Variants in NLGN4X observed in about 807,000 individuals in gnomAD.
NLGN4X encodes the protein neuroligin-4, X-linked.
A neutral mutation model predicts 40.3 loss-of-function variants in NLGN4X; 3 were observed. The ratio of observed to expected loss-of-function variants is 0.07; its 90% CI spans 0.03 to 0.19. The LOEUF is 0.19. NLGN4X is among the 10% of genes least tolerant of loss of function. NLGN4X has a pLI of 1.00. For missense variants in NLGN4X, 382 were observed against 708.3 expected (o/e 0.54, Z 5.23); for synonymous variants, 270 against 306.8 (o/e 0.88, Z 1.25).
intron 4 of NLGN4X, among the ~76,000 whole-genome samples, chrX:5,905,571 G>A (rs188821815): frequency 2.7e-5 from 3 of 112,115 alleles, no homozygotes; most frequent in East Asian, 5.6e-4. Flanking sequence ...TCTTTGCTAC[G>A]ATACTAATAC....
At chrX:6,116,452 G>C (rs184622193) in intron 2 of NLGN4X, among the ~76,000 whole-genome samples, 1,952 of 67,217 alleles carry the variant, frequency 0.029, 89 homozygotes, top group Middle Eastern at 0.12. Context: ...GTCTCACTCT[G>C]TCGCCCAGGC....
intron 3 of NLGN4X, among the ~76,000 whole-genome samples, chrX:6,015,549 T>G (rs1408027667): frequency 3.6e-5 from 4 of 111,319 alleles, no homozygotes; most frequent in Non-Finnish European, 3.8e-5. Context: ...AATGAATAAA[T>G]TTGCACTGCA....
At chrX:6,144,516 G>T (rs1377086303) in intron 2 of NLGN4X, among the ~76,000 whole-genome samples, 2 of 111,369 alleles carry the variant, frequency 1.8e-5, no homozygotes, top group East Asian at 5.7e-4. Context: ...TAGAATCAAG[G>T]TATCAGGAGG....
chrX:6,022,914 T>C (rs1284089630), intron 3 of NLGN4X, among the ~76,000 whole-genome samples: 1 of 111,736 alleles, frequency 8.9e-6, no homozygotes, highest in Non-Finnish European at 1.9e-5. Context: ...CTGCTATGCA[T>C]GTTGGTTGCT....
At chrX:5,924,357 A>G (rs957418859) in intron 3 of NLGN4X, among the ~76,000 whole-genome samples, 3 of 103,611 alleles carry the variant, frequency 2.9e-5, no homozygotes, top group African/African-American at 1.0e-4. Flanking sequence ...CAAGGCAAAC[A>G]TAAAATGAAA....
intron 2 of NLGN4X, among the ~76,000 whole-genome samples, chrX:6,037,201 G>T (rs1196730201): frequency 9.1e-6 from 1 of 109,910 alleles, no homozygotes; most frequent in Non-Finnish European, 1.9e-5. Context: ...AGCTATTCGG[G>T]AGACTGAGGT....
chrX:6,177,646 T>C (rs1448728597), intron 1 of NLGN4X, among the ~76,000 whole-genome samples: 2 of 111,997 alleles, frequency 1.8e-5, no homozygotes, highest in Non-Finnish European at 3.8e-5. Flanking sequence ...ATGAAAGCTC[T>C]ACAAAGTTTT....
chrX:6,100,199 G>A (rs1001274078), intron 2 of NLGN4X, among the ~76,000 whole-genome samples: 6 of 112,640 alleles, frequency 5.3e-5, no homozygotes, highest in African/African-American at 9.7e-5. Flanking sequence ...ACCTTTAAGC[G>A]GTTTTCCGCC....
At chrX:6,014,457 G>A (rs768124068) in intron 3 of NLGN4X, among the ~76,000 whole-genome samples, 1 of 111,628 alleles carries the variant, frequency 9.0e-6, no homozygotes, top group East Asian at 2.8e-4. Context: ...TAATTCCCTA[G>A]AGTTAACATT....
chrX:6,216,130 G>C (rs971978927), intron 1 of NLGN4X, among the ~76,000 whole-genome samples: 12 of 111,426 alleles, frequency 1.1e-4, no homozygotes, highest in Non-Finnish European at 1.9e-4. Context: ...CAAAGTGCTG[G>C]GATTACAGGC....
chrX:6,095,762 G>C (rs1043444624), intron 2 of NLGN4X, among the ~76,000 whole-genome samples: 4 of 111,828 alleles, frequency 3.6e-5, no homozygotes, highest in African/African-American at 1.3e-4. Flanking sequence ...TTAAAGACTT[G>C]GAGTGGGTAG....
At chrX:6,183,993 A>G (rs1041888846) in intron 1 of NLGN4X, among the ~76,000 whole-genome samples, 6 of 112,534 alleles carry the variant, frequency 5.3e-5, no homozygotes, top group African/African-American at 1.9e-4. Context: ...CAGTTAATTA[A>G]CTGATTTTTA....
At chrX:6,104,913 AAT>A (rs1047406591) in intron 2 of NLGN4X, among the ~76,000 whole-genome samples, 2 of 111,636 alleles carry the variant, frequency 1.8e-5, no homozygotes, top group Admixed American at 9.6e-5. Context: ...GCCTGAATTT[AAT>A]AGCAGAGATG....
Position 6,094,098 on chromosome X carries a change from T to C in NLGN4X, c.472+56897A>G, listed in dbSNP as rs146430542. 3.1e-3 allele frequency among the ~76,000 whole-genome samples: 341 copies of C among 111,704 alleles called. 2 individuals are homozygous for C. The highest frequency in any genetic ancestry group is 5.8e-3 in the Non-Finnish European group (309 of 53,113). ...AAAACACTTAAAAATTAACTGTTTATTAGAACGTCACACAAATCTCACTTA... is the reference window on the plus strand; with the variant it reads ...AAAACACTTAAAAATTAACTGTTTACTAGAACGTCACACAAATCTCACTTA... On this transcript the variant is annotated intron_variant, in intron 2 of 5. Coordinates refer to ENST00000381095, the MANE Select transcript of NLGN4X (RefSeq NM_181332.3).
intron 3 of NLGN4X, among the ~76,000 whole-genome samples, chrX:6,026,917 T>TAA (rs200175059): frequency 0.056 from 6,062 of 107,770 alleles, 415 homozygotes; most frequent in African/African-American, 0.19. Flanking sequence ...ACAAAACTGA[T>TAA]AAAAAAAAAA....
chrX:6,064,037 A>G (rs2037838955), intron 2 of NLGN4X, among the ~76,000 whole-genome samples: 1 of 111,354 alleles, frequency 9.0e-6, no homozygotes, highest in Non-Finnish European at 1.9e-5. Context: ...TTTAGATACC[A>G]TAATTGAATC....
intron 3 of NLGN4X, among the ~76,000 whole-genome samples, chrX:5,957,846 A>T (rs1432795932): frequency 8.9e-6 from 1 of 112,435 alleles, no homozygotes; most frequent in Non-Finnish European, 1.9e-5. Context: ...TTTACCCAGT[A>T]TAAAATAAAC....
chrX:6,062,744 C>T (rs1347099241), intron 2 of NLGN4X, among the ~76,000 whole-genome samples: 4 of 110,782 alleles, frequency 3.6e-5, no homozygotes, highest in Non-Finnish European at 7.6e-5. Flanking sequence ...AAAGGGACTG[C>T]ACACGCTCTC....
Position 6,121,454 on chromosome X carries a change from T to C in NLGN4X, c.472+29541A>G, listed in dbSNP as rs1313871953. Among the ~76,000 whole-genome samples, 5 of 112,004 alleles carry C rather than the reference T, an allele frequency of 4.5e-5. No homozygotes were observed. In the Admixed American group the frequency reaches 4.7e-4, roughly 11 times the overall value. ...ATGCAACAGACATGTCAGGCTCTCA[T>C]GCAATGAAAACTGTTGGCAATTAAA... is the stretch of plus-strand genomic sequence containing the variant. On this transcript the variant is annotated intron_variant, in intron 2 of 5. Transcript: ENST00000381095.
Sources: gnomAD v4.1 joint callset for allele counts (sites outside exome capture counted in the v4.1 genomes callset) on GRCh38, gnomAD v4.1.1 for gene constraint, MANE v1.5 for transcripts, NCBI Gene and HGNC (gene_info 2026-07-23, HGNC 2026-07-21) for gene names.